The following RGS7 variants were observed in gnomAD, a reference collection of about 807,000 sequenced individuals.
The protein encoded by RGS7 is regulator of G protein signaling 7.
RGS7 carries 27 observed loss-of-function variants against 81.1 expected under a neutral mutation model. That is an observed-to-expected ratio of 0.33 (90% CI 0.25 to 0.46). The LOEUF (loss-of-function observed/expected upper bound fraction) is 0.46. Among genes scored for constraint, RGS7 ranks in the 20% least tolerant of loss-of-function variants. The pLI, the probability that RGS7 is intolerant of heterozygous loss-of-function variation, is 1.00. For synonymous variants in RGS7, 208 were observed against 207.7 expected (o/e 1.00, Z -0.01); for missense variants, 396 against 607.4 (o/e 0.65, Z 3.66).
At chr1:241,091,479 C>T (rs1359969674) in intron 3 of RGS7, among the ~76,000 whole-genome samples, 4 of 150,752 alleles carry the variant, frequency 2.7e-5, no homozygotes, top group Non-Finnish European at 4.4e-5. Context: ...ACCCAGGAGG[C>T]GGAGCTTGCA....
chr1:240,930,811 A>G, intron 5 of RGS7, 43 bp from the exon 6 acceptor site: 2 of 1,578,974 alleles, frequency 1.3e-6, no homozygotes, highest in Non-Finnish European at 1.7e-6. Context: ...GACAAATAAA[A>G]AATTAGTGGA....
At chr1:241,220,995 A>AAGGAAGAAAGAGAGAG (rs1320023810) in intron 2 of RGS7, among the ~76,000 whole-genome samples, 1 of 42,324 alleles carries the variant, frequency 2.4e-5, no homozygotes, top group African/African-American at 7.2e-5. Context: ...GGAAGGAAGG[A>AAGGAAGAAAGAGAGAG]AGAGAGAGAG....
At chr1:241,106,084 G>A (rs905160688) in intron 2 of RGS7, among the ~76,000 whole-genome samples, 3 of 152,242 alleles carry the variant, frequency 2.0e-5, no homozygotes, top group Non-Finnish European at 4.4e-5. Flanking sequence ...AAAGCCTTTC[G>A]AATGCAGAAA....
intron 3 of RGS7, among the ~76,000 whole-genome samples, chr1:240,984,480 C>T (rs1470726658): frequency 1.3e-5 from 2 of 152,134 alleles, no homozygotes; most frequent in Non-Finnish European, 2.9e-5. Flanking sequence ...GTTTCTAGCC[C>T]GGAAGCATAG....
At chr1:241,299,575 T>A in intron 2 of RGS7, among the ~76,000 whole-genome samples, 1 of 151,612 alleles carries the variant, frequency 6.6e-6, no homozygotes. Context: ...TTGAAATGAG[T>A]ATCACTACAT....
At chr1:241,155,302 T>C (rs567255638) in intron 2 of RGS7, among the ~76,000 whole-genome samples, 4 of 152,230 alleles carry the variant, frequency 2.6e-5, no homozygotes, top group Non-Finnish European at 2.9e-5. Context: ...GGTTTCACCA[T>C]GTTGGCCAGG....
intron 4 of RGS7, among the ~76,000 whole-genome samples, chr1:240,973,112 G>T (rs2148517271): frequency 6.6e-6 from 1 of 151,648 alleles, no homozygotes; most frequent in East Asian, 1.9e-4. Flanking sequence ...TTATTTCAAG[G>T]TTTTTGTGTG....
At position 241,169,117 on chromosome 1, in the gene RGS7, G is replaced by A. The variant is rs115896807; in HGVS notation, c.79-70355C>T. Among the ~76,000 whole-genome samples, 526 of 152,118 alleles carry A rather than the reference G, an allele frequency of 3.5e-3. 1 individual carries two copies. Among genetic ancestry groups the A allele is most frequent in the Middle Eastern group, 0.014 (4 of 294 alleles). ...GTTTTTTTAAGTCACTAAAAAGTTT[G>A]TAGTAATTTGTTCTGCAGCAATAGG... On this transcript the variant is annotated intron_variant, in intron 2 of 18. Transcript: ENST00000440928.
intron 4 of RGS7, among the ~76,000 whole-genome samples, chr1:240,940,007 G>T (rs751743822): frequency 4.1e-4 from 63 of 152,184 alleles, no homozygotes; most frequent in Admixed American, 2.4e-3. Flanking sequence ...CTGAATTCGG[G>T]AGGTGGAGGT....
At chr1:240,778,519 A>T (rs912425660) in intron 18 of RGS7, among the ~76,000 whole-genome samples, 1 of 152,106 alleles carries the variant, frequency 6.6e-6, no homozygotes, top group Admixed American at 6.6e-5. Context: ...AGTAGAAGAT[A>T]TTAAAGTGGT....
At chr1:241,159,505 T>C (rs114987949) in intron 2 of RGS7, among the ~76,000 whole-genome samples, 1 of 150,936 alleles carries the variant, frequency 6.6e-6, no homozygotes, top group African/African-American at 2.5e-5. Context: ...CATCCATCCA[T>C]CCACCCACCC....
At chr1:240,996,138 T>C (rs1326853109) in intron 3 of RGS7, among the ~76,000 whole-genome samples, 1 of 152,206 alleles carries the variant, frequency 6.6e-6, no homozygotes, top group Non-Finnish European at 1.5e-5. Context: ...TTTGATTCCA[T>C]TATGATCAGA....
At position 240,979,549 on chromosome 1, in the gene RGS7, T is replaced by C. The variant is rs1051673681; in HGVS notation, c.226+3530A>G. 2.0e-5 allele frequency among the ~76,000 whole-genome samples: 3 copies of C among 152,144 alleles called. No homozygotes were observed. The South Asian group carries it at 6.2e-4, about 32-fold the overall frequency. ...GGTTTGAGAAGTGGAAAAATCGGGG[T>C]TCCATTTTGGTTGTGTTGAGTTTGA... On this transcript the variant is annotated intron_variant, in intron 4 of 18. Transcript: ENST00000440928.
chr1:241,137,649 C>T (rs2067617634), intron 2 of RGS7, among the ~76,000 whole-genome samples: 1 of 152,194 alleles, frequency 6.6e-6, no homozygotes, highest in Non-Finnish European at 1.5e-5. Flanking sequence ...TGGCACACAC[C>T]TGCTCAAAGG....
At chr1:240,938,020 A>T (rs893972240) in intron 4 of RGS7, among the ~76,000 whole-genome samples, 2 of 152,240 alleles carry the variant, frequency 1.3e-5, no homozygotes, top group Non-Finnish European at 1.5e-5. Flanking sequence ...TGCAGAGATG[A>T]CATAAAGTTT....
At chr1:241,034,067 C>G (rs1323465626) in intron 3 of RGS7, among the ~76,000 whole-genome samples, 1 of 152,176 alleles carries the variant, frequency 6.6e-6, no homozygotes, top group African/African-American at 2.4e-5. Context: ...AATCTAGAGA[C>G]TCACAAAATA....
At chr1:241,237,271 G>A (rs563756748) in intron 2 of RGS7, among the ~76,000 whole-genome samples, 5 of 152,250 alleles carry the variant, frequency 3.3e-5, no homozygotes, top group Admixed American at 6.5e-5. Context: ...TTTGTTTTCA[G>A]GGAACATATC....
At chr1:240,809,619 T>G (rs1418314837) in intron 14 of RGS7, among the ~76,000 whole-genome samples, 1 of 152,198 alleles carries the variant, frequency 6.6e-6, no homozygotes, top group Non-Finnish European at 1.5e-5. Context: ...CACGCTTTTC[T>G]CATCTATAAA....
chr1:240,801,683 C>G (rs2103053459), intron 16 of RGS7, among the ~76,000 whole-genome samples, 175 bp from the exon 17 acceptor site: 1 of 152,292 alleles, frequency 6.6e-6, no homozygotes. Flanking sequence ...GAGGCTTCTT[C>G]TCACAGGACA....
Sources: allele counts gnomAD v4.1 joint callset (sites outside exome capture counted in the v4.1 genomes callset), GRCh38; gene constraint gnomAD v4.1.1; transcripts MANE v1.5; gene names NCBI Gene and HGNC (gene_info 2026-07-23, HGNC 2026-07-21).